The following TCF4 variants were observed in gnomAD, a reference collection of about 807,000 sequenced individuals.
TCF4 encodes transcription factor 4.
In TCF4, 3 loss-of-function variants were observed where a neutral mutation model predicts 82.1. That is an observed-to-expected ratio of 0.04 (90% CI 0.02 to 0.09). TCF4 has a LOEUF of 0.09. Among genes scored for constraint, TCF4 ranks in the 10% least tolerant of loss-of-function variants. The pLI is 1.00. For synonymous variants in TCF4, 276 were observed against 309.6 expected, an observed-to-expected ratio of 0.89 and a Z score of 1.14; for missense variants, 518 against 852.7, an observed-to-expected ratio of 0.61 and a Z score of 4.89.
chr18:55,340,981 C>T (rs2079821572), intron 8 of TCF4, among the ~76,000 whole-genome samples: 1 of 152,108 alleles, frequency 6.6e-6, no homozygotes, highest in Non-Finnish European at 1.5e-5. Context: ...ACAGATGCTC[C>T]CCTGGACTGC....
intron 6 of TCF4, among the ~76,000 whole-genome samples, chr18:55,371,790 A>C (rs938379607): frequency 6.6e-6 from 1 of 152,140 alleles, no homozygotes; most frequent in African/African-American, 2.4e-5. Context: ...CCTATGCTGA[A>C]ATTATTGTCA....
chr18:55,431,489 A>C (rs770872331), intron 5 of TCF4, among the ~76,000 whole-genome samples: 1 of 152,094 alleles, frequency 6.6e-6, no homozygotes, highest in Non-Finnish European at 1.5e-5. Flanking sequence ...CACGTTGGCC[A>C]AGCTGGTCTT....
At chr18:55,382,818 A>C (rs1319155083) in intron 6 of TCF4, among the ~76,000 whole-genome samples, 1 of 152,214 alleles carries the variant, frequency 6.6e-6, no homozygotes, top group Non-Finnish European at 1.5e-5. Flanking sequence ...GAGTATGTTA[A>C]ATATTTGTGA....
At chr18:55,625,706 T>G (rs2097725909) in intron 2 of TCF4, among the ~76,000 whole-genome samples, 1 of 152,246 alleles carries the variant, frequency 6.6e-6, no homozygotes, top group South Asian at 2.1e-4. Context: ...GTTGATGATA[T>G]GAAGTCTTTT....
intron 15 of TCF4, among the ~76,000 whole-genome samples, chr18:55,235,497 A>G (rs1380671782): frequency 6.6e-6 from 1 of 152,208 alleles, no homozygotes; most frequent in Non-Finnish European, 1.5e-5. Context: ...GCTTCCAAGA[A>G]TAAAATTATA....
rs1298142000 is a variant in TCF4 at position 55,259,323 on chromosome 18, A to G, written c.1069+626T>C. Among the ~76,000 whole-genome samples, 4 of 152,268 alleles carry G rather than the reference A, an allele frequency of 2.6e-5. No homozygotes were observed. The East Asian group carries it at 7.7e-4, about 29-fold the overall frequency. On this transcript the variant is annotated intron_variant, in intron 13 of 19. Transcript: ENST00000354452. The stretch of plus-strand genomic sequence containing the variant: ...ATTGGAAAGACAATGAGTCTCTTAA[A>G]CGGACCCCTGAAAAGTGAAATTATT...
intron 3 of TCF4, among the ~76,000 whole-genome samples, chr18:55,545,927 T>TC (rs879533474): frequency 6.6e-6 from 1 of 152,208 alleles, no homozygotes; most frequent in African/African-American, 2.4e-5. Context: ...GGTATTTTTT[T>TC]CCCCCATAAC....
At chr18:55,469,253 C>T (rs1374303416) in intron 3 of TCF4, among the ~76,000 whole-genome samples, 1 of 152,094 alleles carries the variant, frequency 6.6e-6, no homozygotes, top group Non-Finnish European at 1.5e-5. Context: ...CAGCTGAGGT[C>T]AGGAGTTTGA....
intron 8 of TCF4, among the ~76,000 whole-genome samples, chr18:55,303,393 T>G (rs1042973966): frequency 1.3e-5 from 2 of 152,138 alleles, no homozygotes; most frequent in African/African-American, 4.8e-5. Flanking sequence ...AGGGTCAGTG[T>G]TAGTCTATTT....
intron 8 of TCF4, among the ~76,000 whole-genome samples, chr18:55,289,276 G>T (rs1481989125): frequency 1.3e-5 from 2 of 152,228 alleles, no homozygotes; most frequent in African/African-American, 4.8e-5. Context: ...GGTTGGCACA[G>T]ATAAAAGACT....
intron 5 of TCF4, among the ~76,000 whole-genome samples, chr18:55,456,941 G>T (rs920899123): frequency 1.3e-5 from 2 of 151,000 alleles, no homozygotes; most frequent in Non-Finnish European, 2.9e-5. Context: ...CATTAATAAT[G>T]ATAGGCAGTC....
intron 6 of TCF4, among the ~76,000 whole-genome samples, chr18:55,389,995 T>G (rs1306713621): frequency 6.6e-6 from 1 of 152,152 alleles, no homozygotes; most frequent in Non-Finnish European, 1.5e-5. Context: ...ATGGAAGAAC[T>G]AATCCCGACG....
intron 3 of TCF4, among the ~76,000 whole-genome samples, chr18:55,581,369 C>T (rs1289298003): frequency 6.6e-6 from 1 of 152,042 alleles, no homozygotes; most frequent in East Asian, 1.9e-4. Context: ...AGGCACTGGG[C>T]AACATTTCTA....
At chr18:55,308,644 G>A (rs1416137647) in intron 8 of TCF4, among the ~76,000 whole-genome samples, 1 of 152,156 alleles carries the variant, frequency 6.6e-6, no homozygotes, top group Non-Finnish European at 1.5e-5. Flanking sequence ...ATCACTGGCT[G>A]GAAATTCAAG....
intron 8 of TCF4, among the ~76,000 whole-genome samples, chr18:55,327,208 T>A (rs2076711030): frequency 6.6e-6 from 1 of 152,174 alleles, no homozygotes; most frequent in African/African-American, 2.4e-5. Context: ...TTTTTCAATA[T>A]ACACACGTAT....
In TCF4 at chr18:55,261,481, C is replaced by G; in HGVS notation, c.975G>C (p.Gly325=). 1 of 1,613,924 alleles carries G rather than the reference C, an allele frequency of 6.2e-7. No individual in the cohort carries two copies. The highest frequency in any genetic ancestry group is 1.1e-5 in the South Asian group (1 of 91,072). The change falls in exon 12 of 20, where the codon GGG becomes GGC. Residue 325 remains glycine (G), a synonymous_variant. Coordinates refer to ENST00000354452, the MANE Select transcript of TCF4 (RefSeq NM_001083962.2). ...AGSSQTGDAL[G]KALASIYSPD... The stretch of plus-strand genomic sequence containing the variant: ...ATTTCCTCACCGAAGCAAGTGCTTT[C>G]CCCAGAGCATCTCCAGTCTGGGAGC...
At position 55,582,199 on chromosome 18, in the gene TCF4, T is replaced by C. The variant is rs1189567258; in HGVS notation, c.145+3081A>G. ...ATTATAGACTCTTTAGATGATTTTC[T>C]TTTTTTGGTAACTTAGGTATCCTAC... On this transcript the variant is annotated intron_variant, in intron 3 of 19. Coordinates refer to ENST00000354452, the MANE Select transcript of TCF4 (RefSeq NM_001083962.2). Among the ~76,000 whole-genome samples, 3 of 152,126 alleles carry C rather than the reference T, an allele frequency of 2.0e-5. No homozygotes were observed. In the East Asian group the frequency reaches 5.8e-4, roughly 29 times the overall value.
At chr18:55,400,892 G>A (rs2093775430) in intron 6 of TCF4, 9 of 1,140,722 alleles carry the variant, frequency 7.9e-6, no homozygotes, top group South Asian at 5.2e-5. Flanking sequence ...ATACGATAAA[G>A]CAGCTTTTGG....
intron 8 of TCF4, among the ~76,000 whole-genome samples, chr18:55,327,242 T>C (rs2076715100): frequency 6.6e-6 from 1 of 152,294 alleles, no homozygotes; most frequent in Non-Finnish European, 1.5e-5. Context: ...TTATCTCAGA[T>C]AAACACACTT....
Sources: gnomAD v4.1 joint callset for allele counts (sites outside exome capture counted in the v4.1 genomes callset) on GRCh38, gnomAD v4.1.1 for gene constraint, MANE v1.5 for transcripts, NCBI Gene and HGNC (gene_info 2026-07-23, HGNC 2026-07-21) for gene names.